Variants in IMPG1 observed in about 807,000 individuals in gnomAD.
The protein encoded by IMPG1 is interphotoreceptor matrix proteoglycan of 150 kDa.
IMPG1 carries 85 observed loss-of-function variants against 92.0 expected under a neutral mutation model. The observed-to-expected ratio is 0.92, with a 90% CI of 0.78 to 1.11. The LOEUF (loss-of-function observed/expected upper bound fraction) is 1.11, where lower values mean the gene tolerates loss of function less well. Ranked by LOEUF, IMPG1 falls within the 50% of genes least tolerant of loss-of-function variation. The pLI, the probability that IMPG1 is intolerant of heterozygous loss-of-function variation, is 0.00. For synonymous variants in IMPG1, 367 were observed against 334.1 expected (o/e 1.10, Z -1.08); for missense variants, 1,022 against 956.0 (o/e 1.07, Z -0.91).
chr6:76,031,780 A>G (rs1052530862), intron 4 of IMPG1, among the ~76,000 whole-genome samples: 1 of 152,212 alleles, frequency 6.6e-6, no homozygotes, highest in African/African-American at 2.4e-5. Context: ...AGTAACCAAG[A>G]AGAATAGTTA....
At chr6:76,039,789 C>T (rs1783803966) in intron 2 of IMPG1, among the ~76,000 whole-genome samples, 1 of 152,190 alleles carries the variant, frequency 6.6e-6, no homozygotes. Flanking sequence ...AGAGTTCAGC[C>T]TGTAGATTAG....
chr6:76,069,027 T>C (rs1784360242), intron 1 of IMPG1, among the ~76,000 whole-genome samples: 2 of 152,074 alleles, frequency 1.3e-5, no homozygotes, highest in African/African-American at 4.8e-5. Flanking sequence ...ATGGTACTGA[T>C]ATAAAAAGAT....
chr6:75,965,606 C>CTTTTTTTT lies in IMPG1; in HGVS notation c.1292-14520_1292-14513dup, dbSNP rs35490140. On this transcript the variant is annotated intron_variant, in intron 12 of 16. Transcript: ENST00000369950. Reference sequence around the variant, plus strand: ...TGTTTATATTTTCTACATACTTGTTCTTTTTTTTTTTTTTTTTTTGAGACG... The same window carrying CTTTTTTTT: ...TGTTTATATTTTCTACATACTTGTTCTTTTTTTTTTTTTTTTTTTTTTTTTTTGAGACG... Among the ~76,000 whole-genome samples, 589 of 112,408 alleles carry CTTTTTTTT rather than the reference C, an allele frequency of 5.2e-3. 13 individuals carry two copies. The highest frequency in any genetic ancestry group is 6.3e-3 in the Non-Finnish European group (377 of 59,886). The allele number at this position is 112,408 out of a possible 152,430, so 73.7% of individuals were successfully genotyped here.
At chr6:75,924,650 T>A (rs1483033363) in intron 15 of IMPG1, among the ~76,000 whole-genome samples, 4 of 2,468 alleles carry the variant, frequency 1.6e-3, no homozygotes, top group African/African-American at 3.3e-3. Context: ...TATAATTAAT[T>A]ATATATAATA....
At position 76,035,499 on chromosome 6, in the gene IMPG1, CAAAAAAA is replaced by C. The variant is rs34929063; in HGVS notation, c.302-719_302-713del. On this transcript the variant is annotated intron_variant, in intron 2 of 16. Transcript: ENST00000369950. ...GGGCAACAAGAGCAAAACTCCGTCT[CAAAAAAA>C]AAAAAAAAAAAAAAAAAAGAAAAAT... 6.4e-5 allele frequency among the ~76,000 whole-genome samples: 4 copies of C among 62,170 alleles called. No homozygotes were observed. In the East Asian group the frequency reaches 1.3e-3, roughly 21 times the overall value. 40.8% of individuals were successfully genotyped at this position (62,170 alleles called of 152,430 possible). A position where few individuals can be genotyped will look rare whatever the true frequency, so the allele number is the denominator to read the frequency against.
chr6:76,034,012 A>C (rs933526075), intron 4 of IMPG1, among the ~76,000 whole-genome samples: 1 of 152,212 alleles, frequency 6.6e-6, no homozygotes, highest in East Asian at 1.9e-4. Flanking sequence ...AAATCAAACT[A>C]GTTTAATTTC....
At chr6:75,973,171 G>A (rs947194004) in intron 12 of IMPG1, among the ~76,000 whole-genome samples, 2 of 149,442 alleles carry the variant, frequency 1.3e-5, no homozygotes, top group South Asian at 2.1e-4. Flanking sequence ...GTAAAGACGG[G>A]TTCTCACTCT....
intron 14 of IMPG1, among the ~76,000 whole-genome samples, chr6:75,941,664 T>C (rs1781838264): frequency 6.6e-6 from 1 of 152,248 alleles, no homozygotes; most frequent in African/African-American, 2.4e-5. Context: ...TTTACAACTC[T>C]ATAAAATTAG....
At chr6:75,931,582 T>G (rs1450725927) in intron 14 of IMPG1, among the ~76,000 whole-genome samples, 1 of 151,874 alleles carries the variant, frequency 6.6e-6, no homozygotes, top group Non-Finnish European at 1.5e-5. Context: ...TTACTTAGTT[T>G]TTTTTTTTTA....
intron 2 of IMPG1, among the ~76,000 whole-genome samples, chr6:76,039,064 A>G (rs895442352): frequency 2.0e-5 from 3 of 152,186 alleles, no homozygotes; most frequent in Admixed American, 2.0e-4. Context: ...ATGCCATTTT[A>G]CTTCATCAGA....
intron 5 of IMPG1, among the ~76,000 whole-genome samples, chr6:76,023,816 A>G (rs1783476648): frequency 6.6e-6 from 1 of 152,178 alleles, no homozygotes; most frequent in Non-Finnish European, 1.5e-5. Flanking sequence ...TACTAAATCT[A>G]ATCTTGTTAT....
chr6:75,967,463 G>A (rs1049768258), intron 12 of IMPG1, among the ~76,000 whole-genome samples: 6 of 152,098 alleles, frequency 3.9e-5, no homozygotes, highest in African/African-American at 7.2e-5. Flanking sequence ...TCTGTGAGGC[G>A]TGGGTCCTCA....
intron 12 of IMPG1, among the ~76,000 whole-genome samples, chr6:75,994,863 CA>C (rs1411492813): frequency 6.6e-6 from 1 of 152,100 alleles, no homozygotes; most frequent in East Asian, 1.9e-4. Flanking sequence ...AGGATGGAAG[CA>C]AAAAACTGAC....
intron 12 of IMPG1, among the ~76,000 whole-genome samples, chr6:76,002,351 CCTT>C (rs1209518782): frequency 6.6e-6 from 1 of 152,190 alleles, no homozygotes; most frequent in Non-Finnish European, 1.5e-5. Context: ...TCAAAATTAA[CCTT>C]CTTGGAGATT....
intron 12 of IMPG1, among the ~76,000 whole-genome samples, chr6:76,000,384 C>T (rs1199680613): frequency 6.6e-6 from 1 of 152,210 alleles, no homozygotes; most frequent in Non-Finnish European, 1.5e-5. Flanking sequence ...CCAAACACTT[C>T]CATTTCACTA....
chr6:76,057,540 G>T (rs987811543), intron 1 of IMPG1, among the ~76,000 whole-genome samples: 3 of 152,126 alleles, frequency 2.0e-5, no homozygotes, highest in African/African-American at 7.2e-5. Context: ...AGCCTAATAT[G>T]CTATTTCATA....
In IMPG1 at chr6:76,005,277, A is replaced by G. The variant is rs776027172; in HGVS notation, c.1135+10T>C. On this transcript the variant is annotated intron_variant, in intron 10 of 16. Coordinates refer to ENST00000369950, the MANE Select transcript of IMPG1 (RefSeq NM_001563.4). ...AGAATAAACTCAGAACTAAGCAATCATTAACTGACCATCAGTGAACTGAAT... is the reference window on the plus strand; with the variant it reads ...AGAATAAACTCAGAACTAAGCAATCGTTAACTGACCATCAGTGAACTGAAT... 6.2e-7 allele frequency: 1 copy of G among 1,613,412 alleles called. No homozygotes were observed. The highest frequency in any genetic ancestry group is 1.7e-5 in the Admixed American group (1 of 59,960).
intron 1 of IMPG1, 121 bp from the exon 2 acceptor site, chr6:76,042,247 C>T (rs956654605): frequency 8.7e-5 from 56 of 641,168 alleles, no homozygotes; most frequent in Admixed American, 4.7e-4. Context: ...AAATTTCTAC[C>T]GTGGTGCAAC....
intron 7 of IMPG1, among the ~76,000 whole-genome samples, chr6:76,016,331 T>C (rs1783286935): frequency 6.6e-6 from 1 of 152,194 alleles, no homozygotes; most frequent in Admixed American, 6.5e-5. Flanking sequence ...AAATTGACAA[T>C]AGATCATCAA....
Sources: allele counts gnomAD v4.1 joint callset (sites outside exome capture counted in the v4.1 genomes callset), GRCh38; gene constraint gnomAD v4.1.1; transcripts MANE v1.5; gene names NCBI Gene and HGNC (gene_info 2026-07-23, HGNC 2026-07-21).